SLC9A9: variants seen among roughly 807,000 people sequenced by gnomAD.
SLC9A9 encodes the protein solute carrier family 9 member A9.
A neutral mutation model predicts 77.8 loss-of-function variants in SLC9A9; 62 were observed. That is an observed-to-expected ratio of 0.80 (90% CI 0.65 to 0.98). The LOEUF (loss-of-function observed/expected upper bound fraction) is 0.98, where lower values mean the gene tolerates loss of function less well. Among genes scored for constraint, SLC9A9 ranks in the 50% least tolerant of loss-of-function variants. SLC9A9 has a pLI of 0.00. For synonymous variants in SLC9A9, 320 were observed against 283.5 expected (o/e 1.13, Z -1.29); for missense variants, 775 against 774.9 (o/e 1.00, Z 0.00).
chr3:143,544,848 G>A (rs2036757839), intron 9 of SLC9A9, among the ~76,000 whole-genome samples: 2 of 152,140 alleles, frequency 1.3e-5, no homozygotes, highest in African/African-American at 4.8e-5. Context: ...TTTTGTGTAT[G>A]GTGAAAGGTA....
intron 12 of SLC9A9, among the ~76,000 whole-genome samples, chr3:143,425,491 T>C (rs1006886971): frequency 3.3e-5 from 5 of 152,214 alleles, no homozygotes; most frequent in South Asian, 4.1e-4. Flanking sequence ...ATTAAAACAA[T>C]GTACTGGCTG....
intron 14 of SLC9A9, among the ~76,000 whole-genome samples, chr3:143,296,676 A>G (rs1198806816): frequency 2.6e-5 from 4 of 152,174 alleles, no homozygotes; most frequent in Non-Finnish European, 5.9e-5. Flanking sequence ...CAATTTTTCC[A>G]CATTCTTACC....
chr3:143,468,484 A>G (rs2035322422), intron 11 of SLC9A9, among the ~76,000 whole-genome samples: 1 of 152,232 alleles, frequency 6.6e-6, no homozygotes, highest in South Asian at 2.1e-4. Flanking sequence ...TACTGTAGCT[A>G]TATAATAAGC....
At chr3:143,834,425 A>C (rs184736851) in intron 1 of SLC9A9, among the ~76,000 whole-genome samples, 24 of 152,250 alleles carry the variant, frequency 1.6e-4, no homozygotes, top group Admixed American at 4.6e-4. Flanking sequence ...TAATTCCTAA[A>C]AGTTATTCAG....
chr3:143,429,301 G>T (rs2034464260), intron 12 of SLC9A9, among the ~76,000 whole-genome samples: 1 of 152,142 alleles, frequency 6.6e-6, no homozygotes, highest in South Asian at 2.1e-4. Flanking sequence ...ATTTCTTTAG[G>T]AACTGAATCA....
At chr3:143,268,108 T>C (rs1937783982) in intron 15 of SLC9A9, among the ~76,000 whole-genome samples, 1 of 152,214 alleles carries the variant, frequency 6.6e-6, no homozygotes, top group South Asian at 2.1e-4. Context: ...GATAAGTTTT[T>C]GCCTGTGTAC....
intron 6 of SLC9A9, among the ~76,000 whole-genome samples, chr3:143,587,239 G>T (rs975259233): frequency 1.3e-5 from 2 of 152,100 alleles, no homozygotes; most frequent in Non-Finnish European, 2.9e-5. Context: ...AGCACTGAAG[G>T]TACTGCAGGG....
At chr3:143,405,100 G>T (rs1184596559) in intron 12 of SLC9A9, among the ~76,000 whole-genome samples, 3 of 152,192 alleles carry the variant, frequency 2.0e-5, no homozygotes, top group African/African-American at 4.8e-5. Context: ...GGACCCCCAG[G>T]CATGAATGTG....
intron 1 of SLC9A9, among the ~76,000 whole-genome samples, chr3:143,840,559 A>T (rs16854462): frequency 6.6e-6 from 1 of 152,202 alleles, no homozygotes; most frequent in African/African-American, 2.4e-5. Context: ...CAATGTTTCC[A>T]GGTAGGCTTG....
intron 11 of SLC9A9, among the ~76,000 whole-genome samples, chr3:143,470,247 G>A (rs7638124): frequency 0.17 from 26,246 of 151,830 alleles, 3,586 homozygotes; most frequent in African/African-American, 0.38. Context: ...AGGCTGAGGC[G>A]GGTGGTGGAT....
At position 143,340,618 on chromosome 3, in the gene SLC9A9, C is replaced by G. The variant is rs186305697; in HGVS notation, c.1604+22866G>C. On this transcript the variant is annotated intron_variant, in intron 14 of 15. Transcript: ENST00000316549. The stretch of plus-strand genomic sequence containing the variant: ...TCTTTCCTGGGGCTCACTTTGGTAC[C>G]GTCTTCAAGATTTCTCTTGGAAAGG... Among the ~76,000 whole-genome samples the G allele has an allele frequency of 4.6e-5, 7 of 152,252 alleles. No individual in the cohort carries two copies. In the South Asian group the frequency reaches 1.5e-3, roughly 32 times the overall value.
At chr3:143,784,396 T>C (rs2007979452) in intron 4 of SLC9A9, among the ~76,000 whole-genome samples, 1 of 152,190 alleles carries the variant, frequency 6.6e-6, no homozygotes, top group South Asian at 2.1e-4. Flanking sequence ...TCAGTATGTC[T>C]AATGGAAGAG....
chr3:143,311,505 G>C (rs555675815), intron 14 of SLC9A9, among the ~76,000 whole-genome samples: 2 of 152,298 alleles, frequency 1.3e-5, no homozygotes, highest in East Asian at 3.9e-4. Flanking sequence ...TAGGAGCCAG[G>C]TAAAAGCAGC....
chr3:143,555,567 G>A (rs986076754), intron 8 of SLC9A9, among the ~76,000 whole-genome samples: 8 of 152,184 alleles, frequency 5.3e-5, no homozygotes, highest in African/African-American at 1.7e-4. Context: ...ACAGAGCTGA[G>A]ATCAAATAGT....
chr3:143,275,758 G>A (rs2108401505), intron 14 of SLC9A9, among the ~76,000 whole-genome samples: 1 of 152,114 alleles, frequency 6.6e-6, no homozygotes, highest in South Asian at 2.1e-4. Context: ...TGTTTTATGA[G>A]CATGTCTTTC....
intron 6 of SLC9A9, 120 bp from the exon 7 acceptor site, chr3:143,578,843 G>T: frequency 1.7e-6 from 2 of 1,206,110 alleles, no homozygotes; most frequent in South Asian, 2.5e-5. Context: ...GGTTGGAAGA[G>T]TTAGGGGAAA....
intron 8 of SLC9A9, among the ~76,000 whole-genome samples, chr3:143,570,577 A>G (rs967518066): frequency 5.9e-5 from 9 of 152,212 alleles, no homozygotes; most frequent in Non-Finnish European, 1.0e-4. Context: ...AAACCTGTAA[A>G]TAATCAAAAG....
Position 143,791,304 on chromosome 3 carries a change from A to C in SLC9A9, c.533+3697T>G, listed in dbSNP as rs895927318. Among the ~76,000 whole-genome samples the C allele has an allele frequency of 2.6e-5, 4 of 152,210 alleles. No homozygotes were observed. The South Asian group carries it at 8.3e-4, about 32-fold the overall frequency. ...GCAATATGAAAAACGGTTTACATCTAATTTCTGAAATCATATGAAACTAAT... is the reference window on the plus strand; with the variant it reads ...GCAATATGAAAAACGGTTTACATCTCATTTCTGAAATCATATGAAACTAAT... On this transcript the variant is annotated intron_variant, in intron 4 of 15. Coordinates refer to ENST00000316549, the MANE Select transcript of SLC9A9 (RefSeq NM_173653.4).
In SLC9A9 at chr3:143,275,192, G is replaced by A. The variant is rs1578254501; in HGVS notation, c.1605-6212C>T. 2.6e-5 allele frequency among the ~76,000 whole-genome samples: 4 copies of A among 152,164 alleles called. No homozygotes were observed. In the South Asian group the frequency reaches 8.3e-4, roughly 32 times the overall value. The stretch of plus-strand genomic sequence containing the variant: ...GGCTTATACTTTGAGCACATTAAAT[G>A]TATTTTATTTCTTTTGACATGCAAA... On this transcript the variant is annotated intron_variant, in intron 14 of 15. Coordinates refer to ENST00000316549, the MANE Select transcript of SLC9A9 (RefSeq NM_173653.4).
Sources: gnomAD v4.1 joint callset for allele counts (sites outside exome capture counted in the v4.1 genomes callset) on GRCh38, gnomAD v4.1.1 for gene constraint, MANE v1.5 for transcripts, NCBI Gene and HGNC (gene_info 2026-07-23, HGNC 2026-07-21) for gene names.